KCNIP4: variants seen among roughly 807,000 people sequenced by gnomAD.
The protein encoded by KCNIP4 is potassium voltage-gated channel interacting protein 4.
In KCNIP4, 12 loss-of-function variants were observed where a neutral mutation model predicts 34.0. The observed-to-expected ratio is 0.35, with a 90% CI of 0.23 to 0.57. The LOEUF is 0.57. Ranked by LOEUF, KCNIP4 falls within the 20% of genes least tolerant of loss-of-function variation. The pLI, the probability that KCNIP4 is intolerant of heterozygous loss-of-function variation, is 0.83. For synonymous variants in KCNIP4, 124 were observed against 102.2 expected (o/e 1.21, Z -1.29); for missense variants, 238 against 311.7 (o/e 0.76, Z 1.78).
At chr4:21,409,646 A>G (rs1242343098) in intron 1 of KCNIP4, among the ~76,000 whole-genome samples, 1 of 152,248 alleles carries the variant, frequency 6.6e-6, no homozygotes, top group Non-Finnish European at 1.5e-5. Context: ...TTAATCTAAT[A>G]TTCATTCTGT....
intron 1 of KCNIP4, among the ~76,000 whole-genome samples, chr4:21,596,838 C>T (rs1300386767): frequency 1.3e-5 from 2 of 151,816 alleles, no homozygotes; most frequent in Non-Finnish European, 2.9e-5. Flanking sequence ...GAGGAAAGGA[C>T]CAAGATATTT....
intron 2 of KCNIP4, among the ~76,000 whole-genome samples, chr4:20,877,560 A>T (rs1379154051): frequency 6.6e-6 from 1 of 152,062 alleles, no homozygotes; most frequent in Non-Finnish European, 1.5e-5. Flanking sequence ...CAGTTTCCTC[A>T]TATGTAAAAT....
intron 1 of KCNIP4, among the ~76,000 whole-genome samples, chr4:21,146,604 G>A (rs1463939635): frequency 6.6e-6 from 1 of 152,084 alleles, no homozygotes; most frequent in African/African-American, 2.4e-5. Flanking sequence ...TACAGTTCCC[G>A]AATAGCAACC....
rs1747004194 is a variant in KCNIP4 at position 20,729,082 on chromosome 4, C to T, written c.*1000G>A. On this transcript the variant is annotated 3_prime_UTR_variant, in exon 9 of 9. Coordinates refer to ENST00000382152, the MANE Select transcript of KCNIP4 (RefSeq NM_025221.6). ...TTGCTAATTTTGCTTGCTGTTTGTT[C>T]TTAGTAGACAGTGGGGTAGTCAAGG... The T allele has an allele frequency of 6.6e-6, 1 of 151,806 alleles. No individual in the cohort carries two copies. The allele number at this position is 151,806 out of a possible 1,614,324, so 9.4% of individuals were successfully genotyped here.
chr4:20,861,623 T>C (rs1259915070), intron 2 of KCNIP4, among the ~76,000 whole-genome samples: 6 of 152,200 alleles, frequency 3.9e-5, no homozygotes, highest in Admixed American at 6.6e-5. Context: ...TATTTGTATA[T>C]CATATTGAAA....
intron 3 of KCNIP4, among the ~76,000 whole-genome samples, chr4:20,775,453 C>T (rs553588537): frequency 4.6e-5 from 7 of 150,666 alleles, no homozygotes; most frequent in Non-Finnish European, 8.8e-5. Context: ...GTAATCCCAG[C>T]ACTTTGGAAA....
chr4:21,918,428 T>C (rs1480085070), intron 1 of KCNIP4, among the ~76,000 whole-genome samples: 2 of 152,102 alleles, frequency 1.3e-5, no homozygotes, highest in East Asian at 1.9e-4. Context: ...GAAAAAGAGT[T>C]CCACAGGCAA....
chr4:21,723,868 C>G (rs1172515656), intron 1 of KCNIP4, among the ~76,000 whole-genome samples: 1 of 152,066 alleles, frequency 6.6e-6, no homozygotes, highest in Non-Finnish European at 1.5e-5. Flanking sequence ...AGGGCCTTCT[C>G]TCTGTAGGGC....
At chr4:21,663,430 C>T (rs1415441646) in intron 1 of KCNIP4, among the ~76,000 whole-genome samples, 1 of 152,108 alleles carries the variant, frequency 6.6e-6, no homozygotes, top group Admixed American at 6.6e-5. Context: ...GAGTGTAAGC[C>T]TTTGGGAGCA....
intron 1 of KCNIP4, among the ~76,000 whole-genome samples, chr4:21,691,806 C>A (rs1711674347): frequency 6.9e-6 from 1 of 145,440 alleles, no homozygotes; most frequent in Non-Finnish European, 1.5e-5. Flanking sequence ...TCAAGTGATT[C>A]TCCTGCTTCA....
intron 1 of KCNIP4, among the ~76,000 whole-genome samples, chr4:21,862,722 C>T (rs1725147777): frequency 6.6e-6 from 1 of 152,082 alleles, no homozygotes; most frequent in Admixed American, 6.5e-5. Flanking sequence ...GCCTGTAATC[C>T]CAGCACTTTG....
At chr4:21,759,468 A>G (rs1577951908) in intron 1 of KCNIP4, among the ~76,000 whole-genome samples, 2 of 152,170 alleles carry the variant, frequency 1.3e-5, no homozygotes, top group South Asian at 2.1e-4. Context: ...TTTACCATAT[A>G]GCAGGACATA....
chr4:20,892,552 CTGTT>C (rs1190971055), intron 1 of KCNIP4, among the ~76,000 whole-genome samples: 4 of 152,112 alleles, frequency 2.6e-5, no homozygotes, highest in African/African-American at 9.7e-5. Flanking sequence ...TTTTTCTGCT[CTGTT>C]TCTGTCTCTA....
At chr4:20,839,879 A>T (rs10018257) in intron 3 of KCNIP4, among the ~76,000 whole-genome samples, 4 of 151,898 alleles carry the variant, frequency 2.6e-5, no homozygotes, top group Non-Finnish European at 5.9e-5. Context: ...CTCAACATAT[A>T]TCCATTTTTG....
chr4:21,153,505 A>ATG (rs1410646763), intron 1 of KCNIP4, among the ~76,000 whole-genome samples: 22 of 79,828 alleles, frequency 2.8e-4, no homozygotes, highest in East Asian at 9.3e-4. Flanking sequence ...TTATATATAT[A>ATG]TGTGTGTGTG....
chr4:21,233,233 T>C (rs1453528462), intron 1 of KCNIP4, among the ~76,000 whole-genome samples: 1 of 152,110 alleles, frequency 6.6e-6, no homozygotes, highest in African/African-American at 2.4e-5. Flanking sequence ...TGATGACATG[T>C]GAAAAAGCTC....
chr4:21,648,979 G>A (rs1298747234), intron 1 of KCNIP4, among the ~76,000 whole-genome samples: 1 of 151,974 alleles, frequency 6.6e-6, no homozygotes, highest in Non-Finnish European at 1.5e-5. Flanking sequence ...ACTCTAGCTC[G>A]TGTTCAGTAT....
At chr4:21,772,368 T>C (rs560961645) in intron 1 of KCNIP4, among the ~76,000 whole-genome samples, 3 of 152,322 alleles carry the variant, frequency 2.0e-5, no homozygotes, top group Admixed American at 1.3e-4. Context: ...TCATCAGGGA[T>C]ATTTGCCTGA....
At chr4:21,375,571 CTT>C (rs60626237) in intron 1 of KCNIP4, among the ~76,000 whole-genome samples, 187 of 129,950 alleles carry the variant, frequency 1.4e-3, no homozygotes, top group Non-Finnish European at 1.3e-3. Flanking sequence ...GAATTTTTTT[CTT>C]TTTTTTTTTT....
Sources: gnomAD v4.1 joint callset for allele counts (sites outside exome capture counted in the v4.1 genomes callset) on GRCh38, gnomAD v4.1.1 for gene constraint, MANE v1.5 for transcripts, NCBI Gene and HGNC (gene_info 2026-07-23, HGNC 2026-07-21) for gene names.